Variants in DCAF17 observed in about 807,000 individuals in gnomAD.
The protein encoded by DCAF17 is DDB1 and CUL4 associated factor 17, also known as DDB1- and CUL4-associated factor 17.
Under a neutral mutation model 66.0 loss-of-function variants are expected in DCAF17, and 48 were observed. That is an observed-to-expected ratio of 0.73 (90% CI 0.58 to 0.92). The LOEUF (loss-of-function observed/expected upper bound fraction) is 0.92, where lower values mean the gene tolerates loss of function less well. Ranked by LOEUF, DCAF17 falls within the 40% of genes least tolerant of loss-of-function variation. DCAF17 has a pLI of 0.00. For synonymous variants in DCAF17, 206 were observed against 214.6 expected, an observed-to-expected ratio of 0.96 and a Z score of 0.35; for missense variants, 562 against 622.8, an observed-to-expected ratio of 0.90 and a Z score of 1.04.
intron 8 of DCAF17, among the ~76,000 whole-genome samples, chr2:171,468,615 C>A (rs1408063994): frequency 1.3e-5 from 2 of 152,066 alleles, no homozygotes; most frequent in Admixed American, 6.6e-5. Flanking sequence ...CACCTTTAGC[C>A]CAGTTTCAAT....
Position 171,481,061 on chromosome 2 carries a change from C to T in DCAF17, c.1510C>T (p.Gln504Ter). 1.2e-6 allele frequency: 2 copies of T among 1,613,788 alleles called. No individual in the cohort carries two copies. Among genetic ancestry groups the T allele is most frequent in the Non-Finnish European group, 8.5e-7 (1 of 1,179,744 alleles). The change falls in exon 14 of 14, where the codon CAG (glutamine) becomes TAG (stop). Residue 504 changes from glutamine to a stop codon, truncating the protein, a stop_gained. Coordinates refer to ENST00000375255, the MANE Select transcript of DCAF17 (RefSeq NM_025000.4). LOFTEE classifies it high-confidence loss of function. ...PNRVFSCYVY[Q>*]MICDTGEEEE... ...CAGAGTCTTCAGCTGCTATGTTTAC[C>T]AGATGATATGTGACACTGGGGAAGA...
chr2:171,444,728 T>C (rs1156526298), intron 3 of DCAF17, among the ~76,000 whole-genome samples: 1 of 152,228 alleles, frequency 6.6e-6, no homozygotes. Flanking sequence ...TTGAATCTGA[T>C]TGGCTGTCCT....
At chr2:171,440,207 T>C (rs576687266) in intron 2 of DCAF17, among the ~76,000 whole-genome samples, 2 of 152,246 alleles carry the variant, frequency 1.3e-5, no homozygotes, top group African/African-American at 4.8e-5. Context: ...ATGTTTGTTT[T>C]GTTTCTTCAA....
intron 11 of DCAF17, 84 bp downstream of exon 11, chr2:171,477,034 G>A: frequency 9.1e-7 from 1 of 1,103,116 alleles, no homozygotes; most frequent in Non-Finnish European, 1.4e-6. Flanking sequence ...TTGCCTTTGA[G>A]TGTAGCAGAA....
At chr2:171,457,842 G>A in intron 6 of DCAF17, 129 bp from the exon 7 acceptor site, 1 of 821,338 alleles carries the variant, frequency 1.2e-6, no homozygotes, top group Non-Finnish European at 2.2e-6. Context: ...TTATAATGAG[G>A]TTTTAATGCT....
At chr2:171,446,246 T>C (rs1000926639) in intron 3 of DCAF17, among the ~76,000 whole-genome samples, 2 of 152,126 alleles carry the variant, frequency 1.3e-5, no homozygotes, top group African/African-American at 4.8e-5. Context: ...AACCCTCTTA[T>C]AAGAAATATC....
intron 9 of DCAF17, among the ~76,000 whole-genome samples, chr2:171,472,229 G>A (rs549522285): frequency 1.3e-5 from 2 of 152,110 alleles, no homozygotes; most frequent in South Asian, 2.1e-4. Context: ...GCCCAGGCTG[G>A]AGTGCAGTGG....
chr2:171,460,543 A>ATTATTATTATT (rs1179035573), intron 8 of DCAF17, among the ~76,000 whole-genome samples: 2 of 136,482 alleles, frequency 1.5e-5, no homozygotes, highest in African/African-American at 5.4e-5. Flanking sequence ...TATTATTATT[A>ATTATTATTATT]ATTTTGAGAC....
rs963898465 is a variant in DCAF17 at position 171,481,322 on chromosome 2, G to T, written c.*208G>T. 2.9e-5 allele frequency: 19 copies of T among 656,472 alleles called. No homozygotes were observed. The highest frequency in any genetic ancestry group is 3.3e-5 in the Non-Finnish European group (12 of 363,406). The allele number at this position is 656,472 out of a possible 1,614,324, so 40.7% of individuals were successfully genotyped here. On this transcript the variant is annotated 3_prime_UTR_variant, in exon 14 of 14. Transcript: ENST00000375255. ...TTTTTTAAAGGTTTTTTAGAATACTGTTCCAAGAAGTTTAGTGTTTTGCAG... is the reference window on the plus strand; with the variant it reads ...TTTTTTAAAGGTTTTTTAGAATACTTTTCCAAGAAGTTTAGTGTTTTGCAG...
At chr2:171,467,902 T>C (rs1696015088) in intron 8 of DCAF17, among the ~76,000 whole-genome samples, 2 of 152,060 alleles carry the variant, frequency 1.3e-5, no homozygotes, top group South Asian at 4.2e-4. Context: ...TGCACTTCTG[T>C]ATATAACATG....
At chr2:171,475,729 C>T (rs1696467530) in intron 10 of DCAF17, among the ~76,000 whole-genome samples, 1 of 152,180 alleles carries the variant, frequency 6.6e-6, no homozygotes, top group South Asian at 2.1e-4. Context: ...TAGCGCTGTA[C>T]TCCAGCCTGG....
rs762344074 is a variant in DCAF17 at position 171,448,720 on chromosome 2, C to T, written c.361C>T (p.Leu121Phe). 1.9e-6 allele frequency: 3 copies of T among 1,612,422 alleles called. No homozygotes were observed. The highest frequency in any genetic ancestry group is 1.3e-5 in the African/African-American group (1 of 74,838). Reference sequence around the variant, plus strand: ...CAATTCATCAGATTATAAGTCCTCACTCATAGCACTGACTGCTCATAATTG... The same window carrying T: ...CAATTCATCAGATTATAAGTCCTCATTCATAGCACTGACTGCTCATAATTG... The part of the protein sequence containing the change: ...LPNSSDYKSS[L>F]IALTAHNWLL... The change falls in exon 4 of 14, where the codon CTC (leucine) becomes TTC (phenylalanine). Residue 121 changes from leucine (L) to phenylalanine (F), a missense_variant. Around this residue, in one of 3 missense-constraint regions of DCAF17, gnomAD observed 348 missense variants for 355.9 expected, o/e 0.98. Coordinates refer to ENST00000375255, the MANE Select transcript of DCAF17 (RefSeq NM_025000.4).
At chr2:171,475,186 A>G (rs997332065) in intron 10 of DCAF17, among the ~76,000 whole-genome samples, 31 of 152,140 alleles carry the variant, frequency 2.0e-4, no homozygotes, top group Middle Eastern at 6.8e-3. Context: ...CCTAATTTCT[A>G]TTCATATTTT....
chr2:171,450,199 A>G, intron 5 of DCAF17: 1 of 430,610 alleles, frequency 2.3e-6, no homozygotes, highest in Non-Finnish European at 4.3e-6. Flanking sequence ...GCAAAGGCAT[A>G]AGAATGATAC....
intron 1 of DCAF17, 107 bp downstream of exon 1, chr2:171,434,810 A>G: frequency 3.6e-6 from 5 of 1,397,624 alleles, no homozygotes; most frequent in Non-Finnish European, 4.6e-6. Flanking sequence ...TTATAGGGTC[A>G]CATGTGATGG....
In DCAF17 at chr2:171,481,001, A is replaced by G. The variant is rs753532618; in HGVS notation, c.1450A>G (p.Arg484Gly). ...ATATAGCCATGAAGTCTACTTTGAC[A>G]GAGACTTGGTGCTACACATAGAGCA... ...VTYSHEVYFDRDLVLHIEQKP... is the reference protein window; with the variant it reads ...VTYSHEVYFDGDLVLHIEQKP... Residue 484 changes from arginine (R) to glycine (G), a missense_variant, in exon 14 of 14, where the codon AGA becomes GGA. Physicochemically the swap from Arg to Gly is moderately radical, Grantham distance 125. This residue lies in a region of DCAF17 where 201 missense variants were observed against 231.1 expected (regional missense o/e 0.87). Coordinates refer to ENST00000375255, the MANE Select transcript of DCAF17 (RefSeq NM_025000.4). The G allele has an allele frequency of 1.2e-6, 2 of 1,613,780 alleles. No individual in the cohort carries two copies. Among genetic ancestry groups the G allele is most frequent in the Admixed American group, 1.7e-5 (1 of 59,996 alleles).
chr2:171,451,499 C>G (rs967457346), intron 5 of DCAF17, among the ~76,000 whole-genome samples: 3 of 152,162 alleles, frequency 2.0e-5, no homozygotes, highest in African/African-American at 7.2e-5. Context: ...AAACATTTTG[C>G]TACTTTGAGA....
rs1018880916 is a variant in DCAF17 at position 171,481,307 on chromosome 2, G to A, written c.*193G>A. On this transcript the variant is annotated 3_prime_UTR_variant, in exon 14 of 14. Coordinates refer to ENST00000375255, the MANE Select transcript of DCAF17 (RefSeq NM_025000.4). The stretch of plus-strand genomic sequence containing the variant: ...GGTGAGGACTTCATTTTTTTTAAAG[G>A]TTTTTTAGAATACTGTTCCAAGAAG... 3 of 714,990 alleles carry A rather than the reference G, an allele frequency of 4.2e-6. No individual in the cohort carries two copies. The highest frequency in any genetic ancestry group is 7.4e-6 in the Non-Finnish European group (3 of 408,162). 44.3% of individuals were successfully genotyped at this position (714,990 alleles called of 1,614,324 possible).
At position 171,478,005 on chromosome 2, in the gene DCAF17, G is replaced by A. The variant is rs756356358; in HGVS notation, c.1201G>A (p.Val401Ile). 9 of 1,613,676 alleles carry A rather than the reference G, an allele frequency of 5.6e-6. No individual in the cohort carries two copies. Among genetic ancestry groups the A allele is most frequent in the Non-Finnish European group, 7.6e-6 (9 of 1,179,658 alleles). ...ENHKNENVLT[V>I]TASGRVVKKS... ...ATGATAGAATGAAAATGTACTCACT[G>A]TTACAGCTTCTGGACGGGTGGTAAA... Residue 401 changes from valine (V) to isoleucine (I), a missense_variant, in exon 12 of 14, where the codon GTT becomes ATT. Val to Ile is a conservative substitution (Grantham distance 29, BLOSUM62 3). This residue lies in a region of DCAF17 where 201 missense variants were observed against 231.1 expected (regional missense o/e 0.87). Transcript: ENST00000375255.
Sources: gnomAD v4.1 joint callset for allele counts (sites outside exome capture counted in the v4.1 genomes callset) on GRCh38, gnomAD v4.1.1 for gene constraint, gnomAD v4.1.1 regional missense constraint, MANE v1.5 for transcripts, NCBI Gene and HGNC (gene_info 2026-07-23, HGNC 2026-07-21) for gene names.